ENPP3: variants seen among roughly 807,000 people sequenced by gnomAD.
The protein encoded by ENPP3 is ectonucleotide pyrophosphatase/phosphodiesterase family member 3.
Under a neutral mutation model 117.8 loss-of-function variants are expected in ENPP3, and 104 were observed. The observed-to-expected ratio is 0.88, with a 90% CI of 0.75 to 1.04. ENPP3 has a LOEUF of 1.04. Among genes scored for constraint, ENPP3 ranks in the 50% least tolerant of loss-of-function variants. ENPP3 has a pLI of 0.00. For synonymous variants in ENPP3, 380 were observed against 349.9 expected, an observed-to-expected ratio of 1.09 and a Z score of -0.96; for missense variants, 1,026 against 1,051.9, an observed-to-expected ratio of 0.98 and a Z score of 0.34.
chr6:131,652,490 T>G, intron 3 of ENPP3, 52 bp from the exon 4 acceptor site: 29 of 1,552,860 alleles, frequency 1.9e-5, no homozygotes, highest in Non-Finnish European at 2.5e-5. Context: ...GAAATTTGTA[T>G]ATTTTATACT....
chr6:131,650,468 C>T (rs1043172270), intron 3 of ENPP3, among the ~76,000 whole-genome samples: 1 of 152,088 alleles, frequency 6.6e-6, no homozygotes, highest in African/African-American at 2.4e-5. Flanking sequence ...AGCAGTTGTC[C>T]CACCTTGGCC....
intron 2 of ENPP3, among the ~76,000 whole-genome samples, chr6:131,649,038 C>T (rs1436602889): frequency 6.6e-6 from 1 of 152,122 alleles, no homozygotes; most frequent in Non-Finnish European, 1.5e-5. Flanking sequence ...GGAAGTCATC[C>T]TTGGCTCATG....
At chr6:131,679,717 G>T (rs1449724556) in intron 11 of ENPP3, among the ~76,000 whole-genome samples, 1 of 152,128 alleles carries the variant, frequency 6.6e-6, no homozygotes, top group Non-Finnish European at 1.5e-5. Context: ...GAATTTGCAA[G>T]TGGTCTTATT....
At chr6:131,648,770 T>C (rs1391404851) in intron 2 of ENPP3, among the ~76,000 whole-genome samples, 4 of 152,182 alleles carry the variant, frequency 2.6e-5, no homozygotes, top group Admixed American at 6.6e-5. Context: ...TAGGGAATTA[T>C]AGATAATTTT....
chr6:131,739,353 C>T (rs1347596637), intron 23 of ENPP3, among the ~76,000 whole-genome samples: 1 of 151,998 alleles, frequency 6.6e-6, no homozygotes, highest in Non-Finnish European at 1.5e-5. Flanking sequence ...GATTTATCCC[C>T]ATGTCTACAC....
chr6:131,671,087 T>C (rs1778730405), intron 6 of ENPP3, among the ~76,000 whole-genome samples, 161 bp from the exon 7 acceptor site: 2 of 152,208 alleles, frequency 1.3e-5, no homozygotes, highest in South Asian at 4.1e-4. Flanking sequence ...TTCCCTGGAA[T>C]GGAGGAAGCT....
chr6:131,701,568 C>T (rs1406827568), intron 15 of ENPP3, among the ~76,000 whole-genome samples: 3 of 145,702 alleles, frequency 2.1e-5, no homozygotes, highest in Admixed American at 6.9e-5. Flanking sequence ...AATTTGGTAA[C>T]GCTAAAATAA....
At chr6:131,706,789 C>T (rs1183376777) in intron 15 of ENPP3, among the ~76,000 whole-genome samples, 8 of 152,034 alleles carry the variant, frequency 5.3e-5, no homozygotes, top group African/African-American at 1.7e-4. Context: ...AACAATCCCC[C>T]GCTGGACATG....
intron 15 of ENPP3, among the ~76,000 whole-genome samples, chr6:131,717,823 A>G (rs983572953): frequency 1.3e-5 from 2 of 152,188 alleles, no homozygotes; most frequent in Admixed American, 1.3e-4. Context: ...TGCTTGTGTG[A>G]TGGTGGTCCC....
At chr6:131,731,175 A>G (rs1157349686) in intron 20 of ENPP3, among the ~76,000 whole-genome samples, 1 of 152,158 alleles carries the variant, frequency 6.6e-6, no homozygotes, top group Non-Finnish European at 1.5e-5. Flanking sequence ...CTCTGAGAAA[A>G]GAGTTTTCTT....
At chr6:131,668,634 A>G (rs1285286606) in intron 6 of ENPP3, among the ~76,000 whole-genome samples, 1 of 152,056 alleles carries the variant, frequency 6.6e-6, no homozygotes, top group Non-Finnish European at 1.5e-5. Flanking sequence ...TATCTCATTT[A>G]TATTTTCAGA....
chr6:131,647,505 AT>A (rs1295363103), intron 2 of ENPP3, among the ~76,000 whole-genome samples: 3 of 152,018 alleles, frequency 2.0e-5, no homozygotes, highest in Admixed American at 6.6e-5. Flanking sequence ...GGATGTAAAG[AT>A]TTTTTTAATT....
At position 131,718,752 on chromosome 6, in the gene ENPP3, T is replaced by C. The variant is rs1448046518; in HGVS notation, c.1479+14T>C. ...AGGAGCATGGAGGTAACTTACTGCT[T>C]TTTTTTTTAACTTTTATTTTAAGTT... On this transcript the variant is annotated intron_variant, in intron 16 of 24. Coordinates refer to ENST00000357639, the MANE Select transcript of ENPP3 (RefSeq NM_005021.5). 2 of 1,543,802 alleles carry C rather than the reference T, an allele frequency of 1.3e-6. No individual in the cohort carries two copies. Among genetic ancestry groups the C allele is most frequent in the Non-Finnish European group, 1.8e-6 (2 of 1,127,682 alleles).
At chr6:131,679,257 G>C (rs1251338924) in intron 11 of ENPP3, among the ~76,000 whole-genome samples, 2 of 151,452 alleles carry the variant, frequency 1.3e-5, no homozygotes, top group Non-Finnish European at 2.9e-5. Context: ...ACCACGCTAG[G>C]CTAATTTTTG....
chr6:131,720,045 G>T (rs2114525797), intron 16 of ENPP3, among the ~76,000 whole-genome samples: 1 of 152,138 alleles, frequency 6.6e-6, no homozygotes, highest in Non-Finnish European at 1.5e-5. Flanking sequence ...TACTTTATTG[G>T]CACATGAGGT....
chr6:131,721,278 A>G (rs1473092283), intron 17 of ENPP3, among the ~76,000 whole-genome samples: 3 of 152,240 alleles, frequency 2.0e-5, no homozygotes, highest in African/African-American at 7.2e-5. Context: ...AAACATGCTT[A>G]CAACTCTCTC....
rs773479545 is a variant in ENPP3, at chr6:131,710,155, G to T, written c.1413-8517G>T. On this transcript the variant is annotated intron_variant, in intron 15 of 24. Coordinates refer to ENST00000357639, the MANE Select transcript of ENPP3 (RefSeq NM_005021.5). ...TTTTAATTCCAGGTTATCATCATCC[G>T]TTGTGTCTTCTTCAAGCACAGCAGC... 22 of 1,613,448 alleles carry T rather than the reference G, an allele frequency of 1.4e-5. 1 individual carries two copies. The South Asian group carries it at 2.2e-4, about 16-fold the overall frequency.
At chr6:131,724,391 C>T (rs1429434399) in intron 19 of ENPP3, among the ~76,000 whole-genome samples, 1 of 152,150 alleles carries the variant, frequency 6.6e-6, no homozygotes, top group Non-Finnish European at 1.5e-5. Context: ...GGGTTTGAGT[C>T]CTACCTCTGG....
intron 14 of ENPP3, among the ~76,000 whole-genome samples, chr6:131,688,666 T>G (rs1779208656): frequency 6.6e-6 from 1 of 152,166 alleles, no homozygotes; most frequent in Non-Finnish European, 1.5e-5. Flanking sequence ...AGACGCTAAC[T>G]CTTTCTTCAA....
Sources: allele counts gnomAD v4.1 joint callset (sites outside exome capture counted in the v4.1 genomes callset), GRCh38; gene constraint gnomAD v4.1.1; transcripts MANE v1.5; gene names NCBI Gene and HGNC (gene_info 2026-07-23, HGNC 2026-07-21).